Variants in CLASP1 observed in about 807,000 individuals in gnomAD.
CLASP1 encodes the protein CLIP-associating protein 1.
CLASP1 carries 38 observed loss-of-function variants against 192.3 expected under a neutral mutation model. The observed-to-expected ratio is 0.20, with a 90% CI of 0.15 to 0.26. CLASP1 has a LOEUF of 0.26. Among genes scored for constraint, CLASP1 ranks in the 10% least tolerant of loss-of-function variants. The probability of loss-of-function intolerance (pLI) is 1.00; values close to 1 mark genes in which losing one functional copy is unlikely to be tolerated. For missense variants in CLASP1, 1,433 were observed against 1,932.5 expected, an observed-to-expected ratio of 0.74 and a Z score of 4.85; for synonymous variants, 691 against 712.8, an observed-to-expected ratio of 0.97 and a Z score of 0.49.
chr2:121,453,750 G>GT, intron 14 of CLASP1, among the ~76,000 whole-genome samples: 1 of 152,350 alleles, frequency 6.6e-6, no homozygotes, highest in East Asian at 1.9e-4. Flanking sequence ...AATCACTGCT[G>GT]TATCTGAACT....
At position 121,532,934 on chromosome 2, in the gene CLASP1, G is replaced by A. The variant is rs115250205; in HGVS notation, c.196-2609C>T. ...AAGTGAGTTATTTAGCTTTTGTCTG[G>A]TGAAATCTTAAGCTTATCTGCACAG... On this transcript the variant is annotated intron_variant, in intron 2 of 39. Transcript: ENST00000263710. 4.9e-3 allele frequency among the ~76,000 whole-genome samples: 746 copies of A among 152,262 alleles called. 7 individuals are homozygous for A. The highest frequency in any genetic ancestry group is 0.017 in the African/African-American group (722 of 41,528).
intron 3 of CLASP1, among the ~76,000 whole-genome samples, chr2:121,530,045 C>T (rs994796309): frequency 8.2e-6 from 1 of 121,972 alleles, no homozygotes; most frequent in African/African-American, 3.1e-5. Context: ...GGGAAGGCAG[C>T]GGGGCGGCCG....
intron 28 of CLASP1, among the ~76,000 whole-genome samples, chr2:121,400,683 C>T (rs1391981925): frequency 6.6e-6 from 1 of 152,262 alleles, no homozygotes; most frequent in African/African-American, 2.4e-5. Context: ...ATAAAATGAG[C>T]ATCATCTTTA....
chr2:121,574,699 G>A (rs2060324731), intron 2 of CLASP1, among the ~76,000 whole-genome samples: 1 of 151,234 alleles, frequency 6.6e-6, no homozygotes, highest in African/African-American at 2.4e-5. Flanking sequence ...AGCACTTTGG[G>A]AGGCCGAGGC....
At chr2:121,527,777 G>A in intron 5 of CLASP1, 22 bp downstream of exon 5, 1 of 1,550,384 alleles carries the variant, frequency 6.5e-7, no homozygotes, top group Non-Finnish European at 8.8e-7. Context: ...ACGTAAAAAT[G>A]TCAGGCTCAT....
intron 2 of CLASP1, among the ~76,000 whole-genome samples, chr2:121,578,083 C>A (rs1380348789): frequency 6.6e-6 from 1 of 152,052 alleles, no homozygotes; most frequent in Non-Finnish European, 1.5e-5. Context: ...TGGGCACCTG[C>A]CACCACGTCC....
At position 121,382,317 on chromosome 2, in the gene CLASP1, A is replaced by G. The variant is rs2071888101; in HGVS notation, c.3382T>C (p.Trp1128Arg). The change falls in exon 33 of 40, where the codon TGG (tryptophan) becomes CGG (arginine). Residue 1128 changes from tryptophan (W) to arginine (R), a missense_variant. Coordinates refer to ENST00000263710, the Ensembl canonical transcript of CLASP1. ...GCTAACCCGTCGGCACTCCAACCCCATAACCGACTGCAGTGATCAGAAGAG... is the reference window on the plus strand; with the variant it reads ...GCTAACCCGTCGGCACTCCAACCCCGTAACCGACTGCAGTGATCAGAAGAG... 1.3e-6 allele frequency: 2 copies of G among 1,567,850 alleles called. No individual in the cohort carries two copies. Among genetic ancestry groups the G allele is most frequent in the Non-Finnish European group, 1.7e-6 (2 of 1,157,176 alleles).
intron 8 of CLASP1, among the ~76,000 whole-genome samples, chr2:121,500,938 G>T (rs1326028924): frequency 6.6e-6 from 1 of 152,094 alleles, no homozygotes. Flanking sequence ...CACATAAAGG[G>T]AATTTGGGGG....
In CLASP1 at chr2:121,469,749, C is replaced by T. The variant is rs1369675956; in HGVS notation, c.865+59G>A. The stretch of plus-strand genomic sequence containing the variant: ...GGCCACCACAGGCAAGTACGTGCAC[C>T]TCTGGTTTGAAAAGCTGGCATAGCT... On this transcript the variant is annotated intron_variant, in intron 9 of 39. Coordinates refer to ENST00000263710, the Ensembl canonical transcript of CLASP1. 2.1e-5 allele frequency: 32 copies of T among 1,537,734 alleles called. No homozygotes were observed. The Middle Eastern group carries it at 7.3e-4, about 35-fold the overall frequency.
chr2:121,619,709 T>C (rs1188728324), intron 1 of CLASP1, among the ~76,000 whole-genome samples: 1 of 152,246 alleles, frequency 6.6e-6, no homozygotes, highest in Non-Finnish European at 1.5e-5. Context: ...AACATATTTT[T>C]CCCTAAATGT....
intron 1 of CLASP1, among the ~76,000 whole-genome samples, chr2:121,632,492 A>C (rs1429714872): frequency 6.6e-6 from 1 of 152,172 alleles, no homozygotes; most frequent in East Asian, 1.9e-4. Flanking sequence ...GGAAATCATG[A>C]TATGCCATGC....
chr2:121,581,958 G>A (rs557494076), intron 2 of CLASP1, among the ~76,000 whole-genome samples: 231 of 152,204 alleles, frequency 1.5e-3, no homozygotes, highest in Admixed American at 3.4e-3. Context: ...CCAGGCGGGC[G>A]GATCACTTGA....
intron 23 of CLASP1, among the ~76,000 whole-genome samples, chr2:121,416,056 T>G (rs2078514348): frequency 6.6e-6 from 1 of 152,218 alleles, no homozygotes; most frequent in Admixed American, 6.5e-5. Flanking sequence ...AAACTATACA[T>G]TTTGTACAAG....
intron 1 of CLASP1, among the ~76,000 whole-genome samples, chr2:121,643,430 G>C (rs1389591999): frequency 1.3e-5 from 2 of 152,154 alleles, no homozygotes; most frequent in Non-Finnish European, 2.9e-5. Context: ...AGAAGGCCCA[G>C]TTCTCAATCT....
intron 7 of CLASP1, among the ~76,000 whole-genome samples, chr2:121,509,925 AAATT>A (rs1451186657): frequency 2.6e-5 from 4 of 152,250 alleles, no homozygotes; most frequent in African/African-American, 4.8e-5. Context: ...ATAAAATCAG[AAATT>A]AATAACAAAA....
intron 39 of CLASP1, among the ~76,000 whole-genome samples, chr2:121,346,308 C>T (rs756706083): frequency 8.5e-5 from 13 of 152,250 alleles, no homozygotes; most frequent in African/African-American, 1.2e-4. Context: ...CCATGCCTCT[C>T]CTGCCACAGC....
At chr2:121,613,012 A>G (rs1429901078) in intron 1 of CLASP1, among the ~76,000 whole-genome samples, 1 of 152,262 alleles carries the variant, frequency 6.6e-6, no homozygotes, top group Non-Finnish European at 1.5e-5. Context: ...AGACATTAAA[A>G]TGATACAGAA....
chr2:121,598,045 G>T (rs538326073), intron 2 of CLASP1, among the ~76,000 whole-genome samples: 1 of 152,284 alleles, frequency 6.6e-6, no homozygotes, highest in South Asian at 2.1e-4. Context: ...AGGCAGACAG[G>T]AAGAGGAGAC....
intron 1 of CLASP1, among the ~76,000 whole-genome samples, chr2:121,629,985 A>G (rs192681586): frequency 1.1e-4 from 17 of 151,914 alleles, no homozygotes; most frequent in East Asian, 3.9e-4. Flanking sequence ...CAGTGATGCA[A>G]TCTTCGCTCA....
Sources: allele counts gnomAD v4.1 joint callset (sites outside exome capture counted in the v4.1 genomes callset), GRCh38; gene constraint gnomAD v4.1.1; transcripts MANE v1.5; gene names NCBI Gene and HGNC (gene_info 2026-07-23, HGNC 2026-07-21).